Variants in TBCE observed in about 807,000 individuals in gnomAD.
TBCE encodes the protein tubulin folding cofactor E, also known as tubulin-specific chaperone E.
TBCE carries 53 observed loss-of-function variants against 77.0 expected under a neutral mutation model. That is an observed-to-expected ratio of 0.69 (90% CI 0.55 to 0.87). TBCE has a LOEUF of 0.87. Ranked by LOEUF, TBCE falls within the 40% of genes least tolerant of loss-of-function variation. The probability of loss-of-function intolerance (pLI) is 0.00; values close to 1 mark genes in which losing one functional copy is unlikely to be tolerated. For synonymous variants in TBCE, 235 were observed against 241.3 expected (o/e 0.97, Z 0.24); for missense variants, 624 against 622.4 (o/e 1.00, Z -0.03).
chr1:235,399,664 A>G (rs780256697), intron 2 of TBCE, among the ~76,000 whole-genome samples: 57 of 152,256 alleles, frequency 3.7e-4, no homozygotes, highest in Middle Eastern at 3.4e-3. Flanking sequence ...TCTTTGCAAT[A>G]TTTTTTATAA....
chr1:235,399,104 C>T (rs1259625043), intron 2 of TBCE, among the ~76,000 whole-genome samples: 1 of 152,018 alleles, frequency 6.6e-6, no homozygotes, highest in Non-Finnish European at 1.5e-5. Context: ...CAGGCATGCA[C>T]CACCATGCCC....
chr1:235,446,102 GAATTGGCATGA>G (rs1297585540), intron 15 of TBCE, among the ~76,000 whole-genome samples: 1 of 152,146 alleles, frequency 6.6e-6, no homozygotes, highest in East Asian at 1.9e-4. Context: ...ACATGGCATG[GAATTGGCATGA>G]AAAGCTATAC....
rs915334160 is a variant in TBCE, at chr1:235,452,414, T to C, written c.*3652T>C. 3 of 152,186 alleles carry C rather than the reference T, an allele frequency of 2.0e-5. No individual in the cohort carries two copies. Among genetic ancestry groups the C allele is most frequent in the African/African-American group, 7.2e-5 (3 of 41,444 alleles). 9.4% of individuals were successfully genotyped at this position (152,186 alleles called of 1,614,324 possible). On this transcript the variant is annotated 3_prime_UTR_variant, in exon 17 of 17. Coordinates refer to ENST00000642610, the MANE Select transcript of TBCE (RefSeq NM_003193.5). ...GTATGAGAAATAACCTAGTGGATTATTGTGAATTAAAGCAACAGCATAACT... is the reference window on the plus strand; with the variant it reads ...GTATGAGAAATAACCTAGTGGATTACTGTGAATTAAAGCAACAGCATAACT...
chr1:235,379,905 G>A (rs1184955982), intron 1 of TBCE, 114 bp from the exon 2 acceptor site: 39 of 594,204 alleles, frequency 6.6e-5, no homozygotes, highest in South Asian at 2.5e-4. Flanking sequence ...CCGAGATTGC[G>A]CCACTGCACT....
intron 3 of TBCE, among the ~76,000 whole-genome samples, chr1:235,412,405 T>C (rs1260629452): frequency 6.7e-6 from 1 of 150,036 alleles, no homozygotes; most frequent in Admixed American, 6.7e-5. Context: ...AATTTTTGTA[T>C]TTTTAATAGA....
rs1248058751 is a variant in TBCE at position 235,401,496 on chromosome 1, C to T, written c.101-7C>T. Reference sequence around the variant, plus strand: ...TGTTACTCATTTGGTTTTTCTTGTTCTGCTAGGACCCTGGTTAGGAGTAGA... The same window carrying T: ...TGTTACTCATTTGGTTTTTCTTGTTTTGCTAGGACCCTGGTTAGGAGTAGA... On this transcript the variant is annotated splice_region_variant and splice_polypyrimidine_tract_variant and intron_variant, in intron 2 of 16. Transcript: ENST00000642610. 1 of 1,613,176 alleles carries T rather than the reference C, an allele frequency of 6.2e-7. No individual in the cohort carries two copies. Among genetic ancestry groups the T allele is most frequent in the African/African-American group, 1.3e-5 (1 of 74,876 alleles).
intron 5 of TBCE, among the ~76,000 whole-genome samples, chr1:235,422,624 G>A (rs762401114): frequency 3.3e-5 from 5 of 152,142 alleles, no homozygotes; most frequent in Non-Finnish European, 7.3e-5. Flanking sequence ...AAGGTCAGGA[G>A]TTCGAGACCA....
intron 3 of TBCE, among the ~76,000 whole-genome samples, chr1:235,408,286 T>A (rs113513256): frequency 3.3e-5 from 5 of 152,164 alleles, no homozygotes; most frequent in Non-Finnish European, 5.9e-5. Flanking sequence ...CCCACAAAAA[T>A]TAAAAATTAA....
rs777241508 is a variant in TBCE at position 235,434,249 on chromosome 1, C to T, written c.706C>T (p.Leu236Phe). The T allele has an allele frequency of 2.5e-6, 4 of 1,614,170 alleles. No individual in the cohort carries two copies. Among genetic ancestry groups the T allele is most frequent in the Admixed American group, 1.7e-5 (1 of 60,030 alleles). Reference sequence around the variant, plus strand: ...GTGCCCAGGCCTGGAGGAACTCTACCTTGAGTCTAACAACATTTTCATTTC... The same window carrying T: ...GTGCCCAGGCCTGGAGGAACTCTACTTTGAGTCTAACAACATTTTCATTTC... The part of the protein sequence containing the change: ...AGCPGLEELY[L>F]ESNNIFISER... The change falls in exon 8 of 17, where the codon CTT becomes TTT. Residue 236 changes from leucine to phenylalanine, a missense_variant. Physicochemically the swap from Leu to Phe is conservative, Grantham distance 22 (BLOSUM62 0). Coordinates refer to ENST00000642610, the MANE Select transcript of TBCE (RefSeq NM_003193.5).
chr1:235,419,689 T>C, intron 5 of TBCE, 128 bp downstream of exon 5: 3 of 1,288,838 alleles, frequency 2.3e-6, no homozygotes, highest in Non-Finnish European at 3.3e-6. Context: ...TCAGTTTTGC[T>C]TGGTGTAGTT....
Position 235,396,348 on chromosome 1 carries a change from G to A in TBCE, c.101-5155G>A, listed in dbSNP as rs911400341. 8.5e-5 allele frequency among the ~76,000 whole-genome samples: 13 copies of A among 152,124 alleles called. 1 individual carries two copies. The highest frequency in any genetic ancestry group is 8.5e-4 in the Admixed American group (13 of 15,246). Reference sequence around the variant, plus strand: ...GCTGGGATTACAGGCGTGAGCCACCGTGCCCGGCCCTTATGTGTTTATTTT... The same window carrying A: ...GCTGGGATTACAGGCGTGAGCCACCATGCCCGGCCCTTATGTGTTTATTTT... On this transcript the variant is annotated intron_variant, in intron 2 of 16. Transcript: ENST00000642610.
rs903858152 is a variant in TBCE at position 235,430,687 on chromosome 1, TC to T, written c.561-17del. On this transcript the variant is annotated splice_polypyrimidine_tract_variant and intron_variant, in intron 6 of 16. Coordinates refer to ENST00000642610, the MANE Select transcript of TBCE (RefSeq NM_003193.5). ...ACTGTATAGAAATAAGTACATTGTA[TC>T]TTTTTTTTCTACACAGTGAAAATAA... The T allele has an allele frequency of 4.5e-6, 7 of 1,571,886 alleles. No individual in the cohort carries two copies. The African/African-American group carries it at 9.5e-5, about 21-fold the overall frequency.
chr1:235,442,332 A>T (rs1365357052), intron 14 of TBCE, among the ~76,000 whole-genome samples: 2 of 152,090 alleles, frequency 1.3e-5, no homozygotes, highest in Non-Finnish European at 2.9e-5. Flanking sequence ...CACCACACCC[A>T]GTTAATTTTG....
chr1:235,428,842 C>T (rs1370125571), intron 6 of TBCE, among the ~76,000 whole-genome samples: 1 of 151,378 alleles, frequency 6.6e-6, no homozygotes, highest in East Asian at 1.9e-4. Context: ...CGGGGTTTCA[C>T]TATGTTGGCT....
chr1:235,386,925 T>A (rs1678045342), intron 2 of TBCE, among the ~76,000 whole-genome samples: 1 of 152,146 alleles, frequency 6.6e-6, no homozygotes, highest in African/African-American at 2.4e-5. Flanking sequence ...CCCATCTTTG[T>A]GGTTTTATCT....
At chr1:235,415,139 T>TG (rs1435766041) in intron 4 of TBCE, 7 of 185,968 alleles carry the variant, frequency 3.8e-5, no homozygotes, top group African/African-American at 1.7e-4. Context: ...TCTAATGCAT[T>TG]TTATTGTATT....
chr1:235,407,532 T>G (rs1249658778), intron 3 of TBCE, among the ~76,000 whole-genome samples: 1 of 152,188 alleles, frequency 6.6e-6, no homozygotes, highest in Non-Finnish European at 1.5e-5. Context: ...CACGGCAGAT[T>G]GTTTTAGTAG....
intron 3 of TBCE, among the ~76,000 whole-genome samples, chr1:235,408,177 T>G (rs1479672189): frequency 1.3e-5 from 2 of 152,184 alleles, no homozygotes; most frequent in Non-Finnish European, 2.9e-5. Flanking sequence ...CAATAAAGGA[T>G]AAGTGTTTGA....
intron 13 of TBCE, chr1:235,440,813 T>G (rs1364487615): frequency 1.3e-5 from 2 of 152,222 alleles, no homozygotes; most frequent in African/African-American, 2.4e-5. Flanking sequence ...GCACTTGGCA[T>G]GCACGGTGGT....
Sources: gnomAD v4.1 joint callset for allele counts (sites outside exome capture counted in the v4.1 genomes callset) on GRCh38, gnomAD v4.1.1 for gene constraint, MANE v1.5 for transcripts, NCBI Gene and HGNC (gene_info 2026-07-23, HGNC 2026-07-21) for gene names.